The following MYOZ2 variants were observed in gnomAD, a reference collection of about 807,000 sequenced individuals.
MYOZ2 encodes the protein myozenin-2.
Under a neutral mutation model 25.4 loss-of-function variants are expected in MYOZ2, and 19 were observed. The ratio of observed to expected loss-of-function variants is 0.75; its 90% confidence interval spans 0.52 to 1.10. The LOEUF is 1.10. Ranked by LOEUF, MYOZ2 falls within the 50% of genes least tolerant of loss-of-function variation. The probability of loss-of-function intolerance (pLI) is 0.00; values close to 1 mark genes in which losing one functional copy is unlikely to be tolerated. For synonymous variants in MYOZ2, 92 were observed against 106.9 expected (o/e 0.86, Z 0.86); for missense variants, 270 against 317.9 (o/e 0.85, Z 1.15).
chr4:119,143,604 C>T lies in MYOZ2; in HGVS notation c.76+7003C>T, dbSNP rs140222783. 5.3e-3 allele frequency among the ~76,000 whole-genome samples: 814 copies of T among 152,292 alleles called. 5 individuals carry two copies. The highest frequency in any genetic ancestry group is 0.019 in the African/African-American group (785 of 41,558). On this transcript the variant is annotated intron_variant, in intron 2 of 5. Coordinates refer to ENST00000307128, the MANE Select transcript of MYOZ2 (RefSeq NM_016599.5). ...TCACTCTTTGTGTTACGCAGTTCTA[C>T]GGGCTTTCACAAATGCAGTGTCGTA...
chr4:119,184,546 A>G (rs1395672686), intron 5 of MYOZ2, among the ~76,000 whole-genome samples: 1 of 152,212 alleles, frequency 6.6e-6, no homozygotes, highest in African/African-American at 2.4e-5. Context: ...ATTCAATATT[A>G]TAACACCCTA....
At chr4:119,169,537 T>G (rs1240171163) in intron 5 of MYOZ2, among the ~76,000 whole-genome samples, 2 of 152,192 alleles carry the variant, frequency 1.3e-5, no homozygotes, top group African/African-American at 2.4e-5. Flanking sequence ...ACCAAGGAAG[T>G]GAGTACTTGA....
intron 4 of MYOZ2, among the ~76,000 whole-genome samples, chr4:119,158,550 T>C (rs1741637357): frequency 1.3e-5 from 2 of 151,976 alleles, no homozygotes; most frequent in Non-Finnish European, 2.9e-5. Flanking sequence ...AGTAAGACCC[T>C]GACTCAAAAA....
intron 3 of MYOZ2, among the ~76,000 whole-genome samples, chr4:119,152,643 A>C (rs899632691): frequency 6.6e-6 from 1 of 152,130 alleles, no homozygotes; most frequent in Non-Finnish European, 1.5e-5. Flanking sequence ...ATATAAGAAC[A>C]TGTCTTGACA....
chr4:119,176,074 T>G (rs1397138796), intron 5 of MYOZ2, among the ~76,000 whole-genome samples: 1 of 151,814 alleles, frequency 6.6e-6, no homozygotes. Context: ...CCATGTTGTA[T>G]TTTTTCCTCA....
chr4:119,144,829 G>T (rs1381280485), intron 2 of MYOZ2, among the ~76,000 whole-genome samples: 5 of 152,070 alleles, frequency 3.3e-5, no homozygotes. Context: ...TGATAGTTCT[G>T]TATTTATGCT....
At chr4:119,159,375 C>A (rs532289703) in intron 4 of MYOZ2, among the ~76,000 whole-genome samples, 1 of 152,104 alleles carries the variant, frequency 6.6e-6, no homozygotes, top group Admixed American at 6.6e-5. Flanking sequence ...TTTCTCTGTT[C>A]CCTCAAAGGA....
At chr4:119,184,448 T>G (rs1033283430) in intron 5 of MYOZ2, among the ~76,000 whole-genome samples, 2 of 152,256 alleles carry the variant, frequency 1.3e-5, no homozygotes, top group Non-Finnish European at 2.9e-5. Context: ...GTCTAACTTC[T>G]GACCTTCAGA....
chr4:119,167,049 C>G (rs991820948), intron 5 of MYOZ2, among the ~76,000 whole-genome samples: 1 of 152,128 alleles, frequency 6.6e-6, no homozygotes, highest in Admixed American at 6.5e-5. Flanking sequence ...GGAAGAGTCA[C>G]AAGTCTCTCA....
intron 5 of MYOZ2, among the ~76,000 whole-genome samples, chr4:119,174,665 G>A (rs773704876): frequency 9.2e-5 from 14 of 152,050 alleles, no homozygotes; most frequent in South Asian, 2.1e-4. Context: ...ATAGACCACC[G>A]GGCTCTACCA....
chr4:119,144,995 G>A (rs1232882078), intron 2 of MYOZ2, among the ~76,000 whole-genome samples: 1 of 152,052 alleles, frequency 6.6e-6, no homozygotes, highest in Admixed American at 6.6e-5. Context: ...TGATTTTGGT[G>A]TTGTTTAGCA....
intron 2 of MYOZ2, among the ~76,000 whole-genome samples, chr4:119,137,592 C>G (rs1356375772): frequency 6.6e-6 from 1 of 152,142 alleles, no homozygotes; most frequent in African/African-American, 2.4e-5. Flanking sequence ...GAATCAAAGA[C>G]TTTTAGATGC....
chr4:119,161,924 G>A (rs1741718143), intron 4 of MYOZ2, among the ~76,000 whole-genome samples: 1 of 151,966 alleles, frequency 6.6e-6, no homozygotes, highest in Admixed American at 6.6e-5. Flanking sequence ...GAGATTTTGA[G>A]GAATTTTAAA....
At chr4:119,145,161 G>T (rs1227732408) in intron 2 of MYOZ2, among the ~76,000 whole-genome samples, 1 of 152,046 alleles carries the variant, frequency 6.6e-6, no homozygotes, top group Admixed American at 6.6e-5. Flanking sequence ...TACATTGATT[G>T]ATCTTTGAAT....
chr4:119,137,926 C>T (rs1741068157), intron 2 of MYOZ2, among the ~76,000 whole-genome samples: 1 of 152,010 alleles, frequency 6.6e-6, no homozygotes, highest in South Asian at 2.1e-4. Flanking sequence ...AATTGTTTAC[C>T]TTAAAATAGA....
intron 5 of MYOZ2, among the ~76,000 whole-genome samples, chr4:119,169,494 TA>T (rs1323708053): frequency 1.3e-5 from 2 of 152,236 alleles, no homozygotes; most frequent in East Asian, 3.8e-4. Context: ...AAGCTAGTTT[TA>T]AAAAATGAGT....
chr4:119,143,819 C>A (rs988294223), intron 2 of MYOZ2, among the ~76,000 whole-genome samples: 1 of 152,194 alleles, frequency 6.6e-6, no homozygotes, highest in Admixed American at 6.5e-5. Context: ...ATTTTTCCGA[C>A]TGGCTTCTTT....
chr4:119,179,117 A>G (rs1452816335), intron 5 of MYOZ2, among the ~76,000 whole-genome samples: 12 of 152,200 alleles, frequency 7.9e-5, no homozygotes, highest in Admixed American at 3.9e-4. Flanking sequence ...TGTTACACAT[A>G]AAATACAATC....
rs573229422 is a variant in MYOZ2, at chr4:119,172,795, T to C, written c.560+8401T>C. Among the ~76,000 whole-genome samples, 43 of 152,348 alleles carry C rather than the reference T, an allele frequency of 2.8e-4. 1 individual carries two copies. In the South Asian group the frequency reaches 6.4e-3, roughly 23 times the overall value. On this transcript the variant is annotated intron_variant, in intron 5 of 5. Coordinates refer to ENST00000307128, the MANE Select transcript of MYOZ2 (RefSeq NM_016599.5). The stretch of plus-strand genomic sequence containing the variant: ...ACCATAAATTTCTCCCAAAGTTAGT[T>C]TGGCCTATTCCTAGGAAAGGAAGAG...
Sources: gnomAD v4.1 joint callset for allele counts (sites outside exome capture counted in the v4.1 genomes callset) on GRCh38, gnomAD v4.1.1 for gene constraint, MANE v1.5 for transcripts, NCBI Gene and HGNC (gene_info 2026-07-23, HGNC 2026-07-21) for gene names.